ACOXL: variants seen among roughly 807,000 people sequenced by gnomAD.
ACOXL encodes the protein acyl-coenzyme A oxidase-like protein.
A neutral mutation model predicts 71.9 loss-of-function variants in ACOXL; 70 were observed. That is an observed-to-expected ratio of 0.97 (90% confidence interval 0.80 to 1.19). The LOEUF (loss-of-function observed/expected upper bound fraction) is 1.19, where lower values mean the gene tolerates loss of function less well. Among genes scored for constraint, ACOXL ranks in the 50% most tolerant of loss-of-function variants. The pLI, the probability that ACOXL is intolerant of heterozygous loss-of-function variation, is 0.00. For synonymous variants in ACOXL, 253 were observed against 281.6 expected, an observed-to-expected ratio of 0.90 and a Z score of 1.02; for missense variants, 703 against 736.3, an observed-to-expected ratio of 0.95 and a Z score of 0.52.
chr2:110,845,088 A>G (rs1004428634), intron 10 of ACOXL, among the ~76,000 whole-genome samples: 1 of 152,248 alleles, frequency 6.6e-6, no homozygotes, highest in Non-Finnish European at 1.5e-5. Flanking sequence ...ATAACAAAAT[A>G]CCATAGACTG....
chr2:110,996,582 C>A (rs1298725953), intron 14 of ACOXL, among the ~76,000 whole-genome samples: 4 of 152,136 alleles, frequency 2.6e-5, no homozygotes, highest in African/African-American at 7.2e-5. Flanking sequence ...GCCAATGGAA[C>A]CCCAGGAGAA....
Position 110,958,898 on chromosome 2 carries a change from C to G in ACOXL, c.1059+25256C>G, listed in dbSNP as rs769327973. On this transcript the variant is annotated intron_variant, in intron 12 of 17. Coordinates refer to ENST00000439055, the MANE Select transcript of ACOXL (RefSeq NM_001142807.4). ...AGAACATTTGGCACCTGGTATGTCT[C>G]CCTGTAGAGCAGTCCCCCTGGGAGC... is the stretch of plus-strand genomic sequence containing the variant. Among the ~76,000 whole-genome samples the G allele has an allele frequency of 3.3e-5, 5 of 152,214 alleles. No individual in the cohort carries two copies. The East Asian group carries it at 9.6e-4, about 29-fold the overall frequency.
rs1691450197 is a variant in ACOXL, at chr2:110,843,657, G to A, written c.788+2252G>A. On this transcript the variant is annotated intron_variant, in intron 10 of 17. Transcript: ENST00000439055. ...AGGAGGAAGTTAGCAGCTGTCTGTTGTACATGAGCTTGCCTCTTTAGGCTC... is the reference window on the plus strand; with the variant it reads ...AGGAGGAAGTTAGCAGCTGTCTGTTATACATGAGCTTGCCTCTTTAGGCTC... Among the ~76,000 whole-genome samples the A allele has an allele frequency of 2.0e-5, 3 of 152,162 alleles. No individual in the cohort carries two copies. The South Asian group carries it at 6.2e-4, about 32-fold the overall frequency.
intron 12 of ACOXL, among the ~76,000 whole-genome samples, chr2:110,981,801 G>A (rs2062717644): frequency 6.6e-6 from 1 of 152,140 alleles, no homozygotes; most frequent in Non-Finnish European, 1.5e-5. Flanking sequence ...TGCATAGGCT[G>A]ATCTCTCTAT....
At chr2:110,887,094 G>T in intron 10 of ACOXL, 1 of 437,906 alleles carries the variant, frequency 2.3e-6, no homozygotes, top group Non-Finnish European at 4.1e-6. Flanking sequence ...TCTCTGCCTG[G>T]CAAGGACGAT....
chr2:111,019,071 G>C (rs1230861579), intron 14 of ACOXL, among the ~76,000 whole-genome samples: 1 of 152,190 alleles, frequency 6.6e-6, no homozygotes, highest in African/African-American at 2.4e-5. Context: ...CCTTATGTCA[G>C]CTTTAAGCAG....
At chr2:110,909,184 G>C (rs964662163) in intron 11 of ACOXL, among the ~76,000 whole-genome samples, 1 of 152,194 alleles carries the variant, frequency 6.6e-6, no homozygotes, top group African/African-American at 2.4e-5. Context: ...GAAGGCAGGA[G>C]CCAATGTTTC....
intron 10 of ACOXL, among the ~76,000 whole-genome samples, chr2:110,845,374 C>A (rs1466315172): frequency 1.3e-5 from 2 of 152,150 alleles, no homozygotes; most frequent in African/African-American, 4.8e-5. Context: ...AAGGCCCCAC[C>A]TCTTAATATC....
chr2:110,814,520 G>C (rs1687698612), intron 9 of ACOXL, among the ~76,000 whole-genome samples: 2 of 151,920 alleles, frequency 1.3e-5, no homozygotes, highest in South Asian at 4.2e-4. Flanking sequence ...CAATTCCTTA[G>C]ATAAATTTTA....
intron 2 of ACOXL, among the ~76,000 whole-genome samples, chr2:110,768,739 T>A (rs920528523): frequency 6.6e-6 from 1 of 152,156 alleles, no homozygotes; most frequent in Non-Finnish European, 1.5e-5. Context: ...CGCCTATTGA[T>A]TTCTTCTTTG....
At chr2:110,894,336 A>AAG (rs1355103135) in intron 10 of ACOXL, among the ~76,000 whole-genome samples, 1 of 151,512 alleles carries the variant, frequency 6.6e-6, no homozygotes, top group East Asian at 1.9e-4. Context: ...ACAGACCAAA[A>AAG]AAAAAAAAAA....
At chr2:111,015,016 C>T (rs995417674) in intron 14 of ACOXL, among the ~76,000 whole-genome samples, 22 of 152,238 alleles carry the variant, frequency 1.4e-4, no homozygotes, top group African/African-American at 5.3e-4. Context: ...ATAAACTTCT[C>T]AAAAGAAAAC....
chr2:111,118,009 G>A lies in ACOXL; in HGVS notation c.*193G>A, dbSNP rs905426558. 7.5e-6 allele frequency: 5 copies of A among 664,980 alleles called. No homozygotes were observed. The highest frequency in any genetic ancestry group is 7.3e-5 in the African/African-American group (4 of 54,538). 41.2% of individuals were successfully genotyped at this position (664,980 alleles called of 1,614,324 possible). A position where few individuals can be genotyped will look rare whatever the true frequency, so the allele number is the denominator to read the frequency against. On this transcript the variant is annotated 3_prime_UTR_variant, in exon 18 of 18. Coordinates refer to ENST00000439055, the MANE Select transcript of ACOXL (RefSeq NM_001142807.4). ...GGCTGCTAGGAAAGAGATCCAGACGGTCGCCTGGTGCGCTGGATCCCTGTG... is the reference window on the plus strand; with the variant it reads ...GGCTGCTAGGAAAGAGATCCAGACGATCGCCTGGTGCGCTGGATCCCTGTG...
intron 3 of ACOXL, 32 bp downstream of exon 3, chr2:110,784,847 A>G (rs761952302): frequency 1.9e-6 from 3 of 1,569,378 alleles, no homozygotes; most frequent in South Asian, 1.2e-5. Flanking sequence ...CCCTTCATGA[A>G]TGCATGCTCG....
At chr2:111,052,997 C>A (rs1189497522) in intron 16 of ACOXL, among the ~76,000 whole-genome samples, 1 of 152,154 alleles carries the variant, frequency 6.6e-6, no homozygotes, top group Non-Finnish European at 1.5e-5. Flanking sequence ...GTACCTGGAC[C>A]TGACCCCTTA....
intron 9 of ACOXL, among the ~76,000 whole-genome samples, chr2:110,833,031 G>A (rs1419590893): frequency 6.6e-6 from 1 of 152,178 alleles, no homozygotes; most frequent in Non-Finnish European, 1.5e-5. Flanking sequence ...AACTAAATAT[G>A]CAACTGCCAT....
At chr2:110,735,501 C>G (rs1270293946) in intron 1 of ACOXL, among the ~76,000 whole-genome samples, 1 of 152,174 alleles carries the variant, frequency 6.6e-6, no homozygotes, top group Non-Finnish European at 1.5e-5. Context: ...CAGTTTTCCT[C>G]CAAAAGAGGT....
chr2:111,034,409 A>T (rs968164301), intron 15 of ACOXL, among the ~76,000 whole-genome samples: 8 of 152,254 alleles, frequency 5.3e-5, no homozygotes, highest in African/African-American at 1.9e-4. Flanking sequence ...TGAGTGTATG[A>T]GGTCTTCACA....
chr2:111,008,376 C>T (rs1271963895), intron 14 of ACOXL, among the ~76,000 whole-genome samples: 1 of 152,162 alleles, frequency 6.6e-6, no homozygotes, highest in African/African-American at 2.4e-5. Flanking sequence ...TTTTTTCCTA[C>T]ATACCTCATG....
Sources: gnomAD v4.1 joint callset for allele counts (sites outside exome capture counted in the v4.1 genomes callset) on GRCh38, gnomAD v4.1.1 for gene constraint, MANE v1.5 for transcripts, NCBI Gene and HGNC (gene_info 2026-07-23, HGNC 2026-07-21) for gene names.